Variants in CD22 observed in about 807,000 individuals in gnomAD.
The protein encoded by CD22 is B-cell receptor CD22.
Under a neutral mutation model 94.7 loss-of-function variants are expected in CD22, and 51 were observed. The observed-to-expected ratio is 0.54, with a 90% CI of 0.43 to 0.68. The LOEUF is 0.68. Among genes scored for constraint, CD22 ranks in the 30% least tolerant of loss-of-function variants. The pLI is 0.00. For missense variants in CD22, 931 were observed against 1,060.4 expected (o/e 0.88, Z 1.69); for synonymous variants, 424 against 422.5 (o/e 1.00, Z -0.04).
At position 35,346,196 on chromosome 19, in the gene CD22, T is replaced by C. The variant is rs376085852; in HGVS notation, c.2373T>C (p.Asp791=). 16 of 1,613,988 alleles carry C rather than the reference T, an allele frequency of 9.9e-6. No homozygotes were observed. In the African/African-American group the frequency reaches 2.1e-4, roughly 22 times the overall value. The part of the protein sequence containing the change: ...SEMQRPPPDC[D]DTVTYSALHK... ...TGCAGAGACCTCCCCCGGACTGCGA[T>C]GACACGGTCACTTATTCAGCATTGC... The change falls in exon 13 of 14, where the codon GAT becomes GAC. Residue 791 remains aspartate, a synonymous_variant. Coordinates refer to ENST00000085219, the MANE Select transcript of CD22 (RefSeq NM_001771.4).
At chr19:35,346,303 T>C (rs2145685346) in intron 13 of CD22, 68 bp downstream of exon 13, 4 of 1,377,882 alleles carry the variant, frequency 2.9e-6, no homozygotes, top group Non-Finnish European at 4.1e-6. Flanking sequence ...CTGGCCTCAG[T>C]GGTGGGTCCC....
At chr19:35,333,109 T>C in intron 3 of CD22, 185 bp downstream of exon 3, 1 of 586,338 alleles carries the variant, frequency 1.7e-6, no homozygotes. Flanking sequence ...ATGTCCCATC[T>C]GACCCTCAGT....
In CD22 at chr19:35,332,166, T is replaced by C. The variant is rs955836946; in HGVS notation, c.34+92T>C. The C allele has an allele frequency of 2.1e-6, 3 of 1,439,912 alleles. No homozygotes were observed. In the African/African-American group the frequency reaches 4.2e-5, roughly 20 times the overall value. The allele number at this position is 1,439,912 out of a possible 1,614,324, so 89.2% of individuals were successfully genotyped here. On this transcript the variant is annotated intron_variant, in intron 2 of 13. Transcript: ENST00000085219. ...AGACCCAGGCAGAGAGGCGTCAACATAGGGTAGGGTGGGGGCAGCGGTGTG... is the reference window on the plus strand; with the variant it reads ...AGACCCAGGCAGAGAGGCGTCAACACAGGGTAGGGTGGGGGCAGCGGTGTG...
Position 35,336,006 on chromosome 19 carries a change from G to A in CD22, c.413-30G>A, listed in dbSNP as rs779507814. 5 of 1,594,286 alleles carry A rather than the reference G, an allele frequency of 3.1e-6. No individual in the cohort carries two copies. In the South Asian group the frequency reaches 4.6e-5, roughly 15 times the overall value. On this transcript the variant is annotated intron_variant, in intron 3 of 13. Transcript: ENST00000085219. ...GTACGCTCACGTCCTCAGTCCCCCA[G>A]GCTCCTGCACGGGCTCTGTTCTTTT...
chr19:35,341,195 A>AT lies in CD22; in HGVS notation c.1507+58dup. The AT allele has an allele frequency of 6.2e-7, 1 of 1,609,564 alleles. No homozygotes were observed. Among genetic ancestry groups the AT allele is most frequent in the Non-Finnish European group, 8.5e-7 (1 of 1,176,732 alleles). ...GAGGTGGCCCGGCTGGGATGAGGGGATGAAGGCAACGAGGCCGGAGCCTGG... is the reference window on the plus strand; with the variant it reads ...GAGGTGGCCCGGCTGGGATGAGGGGATTGAAGGCAACGAGGCCGGAGCCTGG... On this transcript the variant is annotated intron_variant, in intron 7 of 13. Transcript: ENST00000085219. This position sits in a 1 kb window ranked among gnomAD's most constrained non-coding sequence, Gnocchi z 4.0.
Position 35,345,024 on chromosome 19 carries a change from C to T in CD22, c.2133-27C>T, listed in dbSNP as rs1362072516. 7.4e-6 allele frequency: 12 copies of T among 1,610,880 alleles called. No homozygotes were observed. In the South Asian group the frequency reaches 1.3e-4, roughly 18 times the overall value. On this transcript the variant is annotated intron_variant, in intron 10 of 13. Transcript: ENST00000085219. Reference sequence around the variant, plus strand: ...GCCTCCAGCCTGTGGAGTCCCTGACCCTCACACATGTGCCTTTATTTCTCA... The same window carrying T: ...GCCTCCAGCCTGTGGAGTCCCTGACTCTCACACATGTGCCTTTATTTCTCA...
intron 9 of CD22, among the ~76,000 whole-genome samples, chr19:35,344,225 A>G (rs2066865012): frequency 6.6e-6 from 1 of 152,222 alleles, no homozygotes; most frequent in African/African-American, 2.4e-5. Context: ...CTAGGGAACC[A>G]TCACCAGCAC....
chr19:35,340,895 G>T lies in CD22; in HGVS notation c.1264G>T (p.Val422Leu). 6.2e-7 allele frequency: 1 copy of T among 1,614,156 alleles called. No individual in the cohort carries two copies. The highest frequency in any genetic ancestry group is 8.5e-7 in the Non-Finnish European group (1 of 1,180,024). ...ELDVQYPPKK[V>L]TTVIQNPMPI... Reference sequence around the variant, plus strand: ...TTTTCTTCCAGATCCTCCCAAGAAGGTGACCACAGTGATTCAAAACCCCAT... The same window carrying T: ...TTTTCTTCCAGATCCTCCCAAGAAGTTGACCACAGTGATTCAAAACCCCAT... Residue 422 changes from valine to leucine, a missense_variant, in exon 7 of 14, where the codon GTG becomes TTG. Val to Leu is a conservative substitution (Grantham distance 32, BLOSUM62 1). Transcript: ENST00000085219.
chr19:35,344,773 G>C, intron 9 of CD22, 56 bp from the exon 10 acceptor site: 1 of 1,334,170 alleles, frequency 7.5e-7, no homozygotes, highest in Non-Finnish European at 1.0e-6. Context: ...CCAGGCAAAG[G>C]CTGCCAGGGA....
At chr19:35,329,329 G>A in intron 1 of CD22, 99 bp downstream of exon 1, 1 of 712,964 alleles carries the variant, frequency 1.4e-6, no homozygotes, top group Non-Finnish European at 2.2e-6. Context: ...GAACACAGTG[G>A]GGACCTCCCT....
chr19:35,336,960 C>A (rs528850388), intron 4 of CD22, among the ~76,000 whole-genome samples: 1 of 152,274 alleles, frequency 6.6e-6, no homozygotes, highest in African/African-American at 2.4e-5. Flanking sequence ...AGCACTTAGG[C>A]CGGGTGCGGT....
chr19:35,333,089 G>T, intron 3 of CD22, 165 bp downstream of exon 3: 2 of 651,466 alleles, frequency 3.1e-6, no homozygotes, highest in Non-Finnish European at 5.0e-6. Context: ...ACAGAGCTGC[G>T]GGACCTCGGA....
In CD22 at chr19:35,336,101, A is replaced by T. The variant is rs977983046; in HGVS notation, c.478A>T (p.Thr160Ser). 3 of 1,613,896 alleles carry T rather than the reference A, an allele frequency of 1.9e-6. No individual in the cohort carries two copies. The African/African-American group carries it at 4.0e-5, about 22-fold the overall frequency. ...TCAAGAGTCCCAGGAAGTCACTCTG[A>T]CCTGCTTGCTGAATTTCTCCTGCTA... ...EIQESQEVTLTCLLNFSCYGY... is the reference protein window; with the variant it reads ...EIQESQEVTLSCLLNFSCYGY... Residue 160 changes from threonine to serine, a missense_variant, in exon 4 of 14, where the codon ACC (threonine) becomes TCC (serine). By Grantham distance (58) the Thr-to-Ser change is moderately conservative. Transcript: ENST00000085219.
At chr19:35,344,751 C>T (rs1452561087) in intron 9 of CD22, 78 bp from the exon 10 acceptor site, 42 of 1,069,586 alleles carry the variant, frequency 3.9e-5, no homozygotes, top group Non-Finnish European at 5.7e-5. Context: ...AGAGAGAAGT[C>T]CAGGATGCCT....
At chr19:35,344,065 G>A (rs147161964) in intron 9 of CD22, among the ~76,000 whole-genome samples, 2,001 of 152,246 alleles carry the variant, frequency 0.013, 47 homozygotes, top group African/African-American at 0.046. Context: ...GTGTGGTGGC[G>A]CGCACCTGTA....
rs754705466 is a variant in CD22, at chr19:35,346,241, G to A, written c.2412+6G>A. The A allele has an allele frequency of 5.0e-6, 8 of 1,612,456 alleles. No homozygotes were observed. In the South Asian group the frequency reaches 8.8e-5, roughly 18 times the overall value. On this transcript the variant is annotated splice_donor_region_variant and intron_variant, in intron 13 of 13. Coordinates refer to ENST00000085219, the MANE Select transcript of CD22 (RefSeq NM_001771.4). ...CATTGCACAAGCGCCAAGTGGTAAGGAGGGTCTCCCCAGGTCTCCCCAGAG... is the reference window on the plus strand; with the variant it reads ...CATTGCACAAGCGCCAAGTGGTAAGAAGGGTCTCCCCAGGTCTCCCCAGAG...
chr19:35,338,499 G>T, intron 6 of CD22, 68 bp downstream of exon 6: 2 of 1,526,746 alleles, frequency 1.3e-6, no homozygotes, highest in South Asian at 1.2e-5. Context: ...AAGGCAGATG[G>T]GGTGCAGGGC....
rs772935945 is a variant in CD22, at chr19:35,336,301, G to C, written c.678G>C (p.Gly226=). The part of the protein sequence containing the change: ...IVTCQLQDAD[G]KFLSNDTVQL... ...CCTGCCAGCTTCAGGATGCAGATGG[G>C]AAGTTCCTCTCCAATGACACGGTGC... Residue 226 remains glycine, a synonymous_variant, in exon 4 of 14, where the codon GGG becomes GGC. Transcript: ENST00000085219. The C allele has an allele frequency of 1.2e-6, 2 of 1,614,104 alleles. No homozygotes were observed.
chr19:35,344,741 A>G, intron 9 of CD22, 88 bp from the exon 10 acceptor site: 4 of 923,092 alleles, frequency 4.3e-6, no homozygotes, highest in Non-Finnish European at 6.8e-6. Context: ...GTCTGGCTGC[A>G]GAGAGAAGTC....
Sources: allele counts gnomAD v4.1 joint callset (sites outside exome capture counted in the v4.1 genomes callset), GRCh38; gene constraint gnomAD v4.1.1; non-coding constraint Gnocchi (gnomAD v3.1); transcripts MANE v1.5; gene names NCBI Gene and HGNC (gene_info 2026-07-23, HGNC 2026-07-21).